Variants in KCMF1 observed in about 807,000 individuals in gnomAD.
KCMF1 encodes E3 ubiquitin-protein ligase KCMF1.
Under a neutral mutation model 41.1 loss-of-function variants are expected in KCMF1, and 3 were observed. The observed-to-expected ratio is 0.07, with a 90% CI of 0.03 to 0.19. The LOEUF is 0.19. Ranked by LOEUF, KCMF1 falls within the 10% of genes least tolerant of loss-of-function variation. The pLI is 1.00. For synonymous variants in KCMF1, 142 were observed against 164.5 expected, an observed-to-expected ratio of 0.86 and a Z score of 1.04; for missense variants, 286 against 488.9, an observed-to-expected ratio of 0.58 and a Z score of 3.91.
At chr2:84,995,974 A>C (rs190658246) in intron 1 of KCMF1, among the ~76,000 whole-genome samples, 1 of 152,348 alleles carries the variant, frequency 6.6e-6, no homozygotes, top group Admixed American at 6.5e-5. Context: ...GCAAGTCCAT[A>C]ACAGACATGT....
chr2:85,024,626 G>C (rs781433399), intron 1 of KCMF1, among the ~76,000 whole-genome samples: 11 of 150,474 alleles, frequency 7.3e-5, no homozygotes, highest in Non-Finnish European at 1.6e-4. Context: ...GTGTGAGAAA[G>C]AGAAAGATTT....
intron 1 of KCMF1, among the ~76,000 whole-genome samples, chr2:84,998,219 G>A (rs1674223810): frequency 1.3e-5 from 2 of 151,842 alleles, no homozygotes. Context: ...AGCCTCCCGA[G>A]TAGCTGGGAT....
intron 1 of KCMF1, among the ~76,000 whole-genome samples, chr2:85,019,750 ATATG>A (rs966220377): frequency 7.3e-5 from 11 of 151,014 alleles, no homozygotes; most frequent in African/African-American, 2.7e-4. Context: ...ATATATGTAT[ATATG>A]TGTGTGTATA....
At chr2:85,050,532 A>G (rs1675781606) in intron 6 of KCMF1, among the ~76,000 whole-genome samples, 1 of 152,176 alleles carries the variant, frequency 6.6e-6, no homozygotes, top group African/African-American at 2.4e-5. Flanking sequence ...AACTGCATGT[A>G]TTTGTCTGCC....
intron 1 of KCMF1, among the ~76,000 whole-genome samples, chr2:85,008,405 CAT>C (rs1215973913): frequency 3.2e-4 from 28 of 87,060 alleles, no homozygotes; most frequent in South Asian, 1.0e-3. Context: ...TATTATATAT[CAT>C]ATTATATATT....
chr2:85,039,936 C>T lies in KCMF1; in HGVS notation c.325-3628C>T, dbSNP rs1675486448. Among the ~76,000 whole-genome samples, 4 of 152,278 alleles carry T rather than the reference C, an allele frequency of 2.6e-5. No individual in the cohort carries two copies. In the South Asian group the frequency reaches 8.3e-4, roughly 32 times the overall value. ...CAAGCAATTCTCCTGCCTCAGCCTC[C>T]CGAGTAGCTGGGATTACAGGCATGT... On this transcript the variant is annotated intron_variant, in intron 3 of 6. Transcript: ENST00000409785.
intron 2 of KCMF1, among the ~76,000 whole-genome samples, chr2:85,033,605 A>G (rs1371151186): frequency 6.6e-6 from 1 of 152,004 alleles, no homozygotes; most frequent in African/African-American, 2.4e-5. Context: ...AAAACAACTC[A>G]CTCTCAAGGG....
chr2:85,008,240 T>C (rs183037397), intron 1 of KCMF1, among the ~76,000 whole-genome samples: 4 of 87,876 alleles, frequency 4.6e-5, no homozygotes, highest in East Asian at 5.6e-4. Flanking sequence ...CATATTATAT[T>C]ATATATGATA....
chr2:84,979,068 G>C (rs192405587), intron 1 of KCMF1, among the ~76,000 whole-genome samples: 2 of 151,734 alleles, frequency 1.3e-5, no homozygotes, highest in African/African-American at 2.4e-5. Context: ...GGCTCGTCTC[G>C]AACTCCTGAC....
Position 85,058,281 on chromosome 2 carries a change from G to C in KCMF1, c.*4872G>C, listed in dbSNP as rs557822432. The C allele has an allele frequency of 2.6e-5, 4 of 152,304 alleles. No individual in the cohort carries two copies. Among genetic ancestry groups the C allele is most frequent in the Non-Finnish European group, 5.9e-5 (4 of 68,150 alleles). 9.4% of individuals were successfully genotyped at this position (152,304 alleles called of 1,614,324 possible). Reference sequence around the variant, plus strand: ...GCCTGTAATTCCTGCTACTCGGGAGGCTGAGGCAGAGAATTGCTTGAACCC... The same window carrying C: ...GCCTGTAATTCCTGCTACTCGGGAGCCTGAGGCAGAGAATTGCTTGAACCC... On this transcript the variant is annotated 3_prime_UTR_variant, in exon 7 of 7. Coordinates refer to ENST00000409785, the MANE Select transcript of KCMF1 (RefSeq NM_020122.5).
chr2:85,028,171 TA>T, intron 2 of KCMF1, 115 bp downstream of exon 2: 1 of 632,656 alleles, frequency 1.6e-6, no homozygotes, highest in Non-Finnish European at 2.6e-6. Context: ...CCAAATTCAT[TA>T]AACATGAAAT....
rs112460793 is a variant in KCMF1, at chr2:84,997,764, C to CTTTTTTT, written c.16+26315_16+26321dup. On this transcript the variant is annotated intron_variant, in intron 1 of 6. Coordinates refer to ENST00000409785, the MANE Select transcript of KCMF1 (RefSeq NM_020122.5). The stretch of plus-strand genomic sequence containing the variant: ...TGACTTACAGCAAAAAATACATTTT[C>CTTTTTTT]TTTTTTTTTTTTTTTTTTTTTTTTG... Among the ~76,000 whole-genome samples, 604 of 80,256 alleles carry CTTTTTTT rather than the reference C, an allele frequency of 7.5e-3. 1 individual carries two copies. Among genetic ancestry groups the CTTTTTTT allele is most frequent in the East Asian group, 0.023 (51 of 2,248 alleles). 52.7% of individuals were successfully genotyped at this position (80,256 alleles called of 152,430 possible).
intron 3 of KCMF1, among the ~76,000 whole-genome samples, chr2:85,036,228 A>G (rs1675400131): frequency 1.3e-5 from 2 of 152,248 alleles, no homozygotes; most frequent in Admixed American, 1.3e-4. Context: ...CTGTCTTAAC[A>G]GCTCAGAAAT....
At chr2:85,016,435 A>T (rs564676120) in intron 1 of KCMF1, among the ~76,000 whole-genome samples, 10 of 110,202 alleles carry the variant, frequency 9.1e-5, no homozygotes, top group African/African-American at 4.0e-4. Context: ...AAAGCTCTCT[A>T]AAAAAAAACA....
chr2:85,009,673 CT>C (rs1674607330), intron 1 of KCMF1, among the ~76,000 whole-genome samples: 1 of 152,024 alleles, frequency 6.6e-6, no homozygotes, highest in Non-Finnish European at 1.5e-5. Context: ...CCTCTTCTTT[CT>C]TTTTTCTGTT....
intron 1 of KCMF1, among the ~76,000 whole-genome samples, chr2:84,979,038 G>C (rs1673632147): frequency 6.6e-6 from 1 of 151,900 alleles, no homozygotes; most frequent in African/African-American, 2.4e-5. Context: ...AGTAGAGATG[G>C]GATTTCACCA....
At chr2:84,995,765 A>G (rs1486839969) in intron 1 of KCMF1, among the ~76,000 whole-genome samples, 7 of 152,230 alleles carry the variant, frequency 4.6e-5, no homozygotes, top group Non-Finnish European at 1.5e-5. Context: ...AGCGTGGGCA[A>G]TACATTGAAA....
At chr2:85,050,786 C>G (rs1453334499) in intron 6 of KCMF1, among the ~76,000 whole-genome samples, 2 of 152,188 alleles carry the variant, frequency 1.3e-5, no homozygotes, top group Non-Finnish European at 2.9e-5. Flanking sequence ...ATTATAATTT[C>G]TACTTATGTT....
At chr2:84,996,687 C>T (rs936818231) in intron 1 of KCMF1, among the ~76,000 whole-genome samples, 6 of 152,172 alleles carry the variant, frequency 3.9e-5, no homozygotes, top group Admixed American at 2.6e-4. Context: ...CCACCTGCCT[C>T]GGCCTCCTAA....
Sources: allele counts gnomAD v4.1 joint callset (sites outside exome capture counted in the v4.1 genomes callset), GRCh38; gene constraint gnomAD v4.1.1; transcripts MANE v1.5; gene names NCBI Gene and HGNC (gene_info 2026-07-23, HGNC 2026-07-21).